The following FYN variants were observed in gnomAD, a reference collection of about 807,000 sequenced individuals.
FYN encodes the protein tyrosine-protein kinase Fyn.
A neutral mutation model predicts 70.2 loss-of-function variants in FYN; 10 were observed. That is an observed-to-expected ratio of 0.14 (90% CI 0.09 to 0.24). The LOEUF (loss-of-function observed/expected upper bound fraction) is 0.24. FYN is among the 10% of genes least tolerant of loss of function. FYN has a pLI of 1.00. For synonymous variants in FYN, 236 were observed against 248.6 expected, an observed-to-expected ratio of 0.95 and a Z score of 0.48; for missense variants, 319 against 673.1, an observed-to-expected ratio of 0.47 and a Z score of 5.82.
intron 12 of FYN, among the ~76,000 whole-genome samples, chr6:111,681,490 T>A (rs949139701): frequency 6.6e-5 from 10 of 152,120 alleles, no homozygotes; most frequent in African/African-American, 2.4e-4. Flanking sequence ...CCAAACACAG[T>A]TAATCTAGTT....
chr6:111,782,627 C>T (rs905814950), intron 2 of FYN, among the ~76,000 whole-genome samples: 3 of 152,110 alleles, frequency 2.0e-5, no homozygotes, highest in African/African-American at 4.8e-5. Context: ...ATATAGAGGG[C>T]GCCTGTGTGA....
At chr6:111,778,180 A>G (rs1771024956) in intron 3 of FYN, among the ~76,000 whole-genome samples, 1 of 152,142 alleles carries the variant, frequency 6.6e-6, no homozygotes, top group Admixed American at 6.5e-5. Flanking sequence ...GCTCTGCCAG[A>G]TGGGGAGGGA....
rs9487712 is a variant in FYN, at chr6:111,733,071, T to G, written c.-11-13009A>C. ...TAATACAGAGGTCAAAGGGTGGCTG[T>G]GTGGGCCACGTGTCTCCCCACTCCC... On this transcript the variant is annotated intron_variant, in intron 3 of 13. Coordinates refer to ENST00000354650, the MANE Select transcript of FYN (RefSeq NM_002037.5). Among the ~76,000 whole-genome samples, 6 of 152,148 alleles carry G rather than the reference T, an allele frequency of 3.9e-5. No individual in the cohort carries two copies. The South Asian group carries it at 1.2e-3, about 32-fold the overall frequency.
At chr6:111,778,732 G>A (rs1562517588) in intron 3 of FYN, among the ~76,000 whole-genome samples, 1 of 151,954 alleles carries the variant, frequency 6.6e-6, no homozygotes, top group Non-Finnish European at 1.5e-5. Flanking sequence ...CTGACCCTGT[G>A]AGCTGCCCGC....
chr6:111,703,539 C>T (rs1303016068), intron 7 of FYN, among the ~76,000 whole-genome samples: 2 of 152,202 alleles, frequency 1.3e-5, no homozygotes, highest in Non-Finnish European at 2.9e-5. Context: ...GAGGCCACTA[C>T]TCTTTTCTTC....
intron 3 of FYN, among the ~76,000 whole-genome samples, chr6:111,754,143 T>C (rs1802605754): frequency 6.6e-6 from 1 of 152,226 alleles, no homozygotes; most frequent in African/African-American, 2.4e-5. Context: ...TGTTCCTCTA[T>C]TCCTTATCAA....
At chr6:111,729,430 G>A (rs551155940) in intron 3 of FYN, among the ~76,000 whole-genome samples, 1 of 151,126 alleles carries the variant, frequency 6.6e-6, no homozygotes, top group South Asian at 2.1e-4. Flanking sequence ...AGCTGAGATG[G>A]CGCCACTGCA....
intron 3 of FYN, among the ~76,000 whole-genome samples, chr6:111,745,655 A>G (rs1802175343): frequency 6.6e-6 from 1 of 152,194 alleles, no homozygotes; most frequent in Non-Finnish European, 1.5e-5. Flanking sequence ...TGCACAATGG[A>G]TTTGTATTTC....
chr6:111,805,097 C>T (rs1234243712), intron 2 of FYN, among the ~76,000 whole-genome samples: 1 of 152,054 alleles, frequency 6.6e-6, no homozygotes, highest in African/African-American at 2.4e-5. Flanking sequence ...CACCACATGA[C>T]TCGAAGTGTG....
chr6:111,860,145 T>C (rs966581274), intron 1 of FYN, among the ~76,000 whole-genome samples: 1 of 152,164 alleles, frequency 6.6e-6, no homozygotes, highest in South Asian at 2.1e-4. Flanking sequence ...TCCAGGACTA[T>C]GACAGAAAAT....
At chr6:111,869,476 T>C (rs1289292782) in intron 1 of FYN, among the ~76,000 whole-genome samples, 3 of 152,218 alleles carry the variant, frequency 2.0e-5, no homozygotes, top group African/African-American at 7.2e-5. Context: ...CTGCAGTCTC[T>C]ACCTCCCAGG....
chr6:111,856,041 T>C (rs891185338), intron 1 of FYN, among the ~76,000 whole-genome samples: 1 of 152,246 alleles, frequency 6.6e-6, no homozygotes, highest in African/African-American at 2.4e-5. Context: ...TGAGAAGGTC[T>C]GCAATTTTGT....
At chr6:111,686,964 G>C (rs974867409) in intron 12 of FYN, among the ~76,000 whole-genome samples, 1 of 152,214 alleles carries the variant, frequency 6.6e-6, no homozygotes, top group Non-Finnish European at 1.5e-5. Context: ...TTCAAAATTC[G>C]AAAGAAACAG....
chr6:111,788,474 G>C (rs769251441), intron 2 of FYN, among the ~76,000 whole-genome samples: 2 of 152,164 alleles, frequency 1.3e-5, no homozygotes, highest in Non-Finnish European at 1.5e-5. Context: ...CTAAGGAACT[G>C]CTGTGTGAGT....
chr6:111,785,955 G>A (rs1338100178), intron 2 of FYN, among the ~76,000 whole-genome samples: 1 of 151,964 alleles, frequency 6.6e-6, no homozygotes, highest in Non-Finnish European at 1.5e-5. Context: ...TGCTGAGAAT[G>A]ATGGTTTCCA....
At position 111,717,707 on chromosome 6, in the gene FYN, A is replaced by G. The variant is rs544978433; in HGVS notation, c.247+2098T>C. On this transcript the variant is annotated intron_variant, in intron 4 of 13. Coordinates refer to ENST00000354650, the MANE Select transcript of FYN (RefSeq NM_002037.5). ...TCAAACTCCTGCGCTCAAGTGATCCACCCACCTCAGCCTTCCAAAGTGCTG... is the reference window on the plus strand; with the variant it reads ...TCAAACTCCTGCGCTCAAGTGATCCGCCCACCTCAGCCTTCCAAAGTGCTG... Among the ~76,000 whole-genome samples the G allele has an allele frequency of 4.2e-3, 641 of 152,178 alleles. 1 individual carries two copies. The highest frequency in any genetic ancestry group is 0.015 in the African/African-American group (612 of 41,522).
chr6:111,812,783 C>T (rs566684622), intron 2 of FYN, among the ~76,000 whole-genome samples: 6 of 151,588 alleles, frequency 4.0e-5, no homozygotes, highest in Non-Finnish European at 7.4e-5. Context: ...GCAAATTCTT[C>T]GTCTATAAAG....
chr6:111,794,119 C>A (rs6933273), intron 2 of FYN, among the ~76,000 whole-genome samples: 3,333 of 152,348 alleles, frequency 0.022, 114 homozygotes, highest in African/African-American at 0.076. Flanking sequence ...CTCCATCCGC[C>A]ATGAGGACAC....
intron 1 of FYN, among the ~76,000 whole-genome samples, chr6:111,861,151 AC>A (rs67819270): frequency 0.11 from 16,591 of 152,086 alleles, 2,067 homozygotes; most frequent in African/African-American, 0.31. Flanking sequence ...CATATGTAAA[AC>A]CTCCCAACTT....
Sources: allele counts gnomAD v4.1 joint callset (sites outside exome capture counted in the v4.1 genomes callset), GRCh38; gene constraint gnomAD v4.1.1; transcripts MANE v1.5; gene names NCBI Gene and HGNC (gene_info 2026-07-23, HGNC 2026-07-21).